Variants in TMEM232 observed in about 807,000 individuals in gnomAD.
The protein encoded by TMEM232 is transmembrane protein 232.
In TMEM232, 80 loss-of-function variants were observed where a neutral mutation model predicts 78.8. The observed-to-expected ratio is 1.01, with a 90% CI of 0.85 to 1.22. The LOEUF (loss-of-function observed/expected upper bound fraction) is 1.22. Among genes scored for constraint, TMEM232 ranks in the 50% most tolerant of loss-of-function variants. TMEM232 has a pLI of 0.00. For missense variants in TMEM232, 881 were observed against 742.2 expected (o/e 1.19, Z -2.17); for synonymous variants, 297 against 254.3 (o/e 1.17, Z -1.60).
Position 110,391,669 on chromosome 5 carries a change from T to G in TMEM232, n.391-1029A>C, listed in dbSNP as rs59006303. On this transcript the variant is annotated intron_variant and non_coding_transcript_variant, in intron 3 of 8. Transcript: ENST00000507188. ...GACTAAAGCATATTTAAGAATATTGTACATATCGTATTTTCTTAATAAAAA... is the reference window on the plus strand; with the variant it reads ...GACTAAAGCATATTTAAGAATATTGGACATATCGTATTTTCTTAATAAAAA... 2.1e-3 allele frequency among the ~76,000 whole-genome samples: 325 copies of G among 152,304 alleles called. 6 individuals carry two copies. The highest frequency in any genetic ancestry group is 7.5e-3 in the African/African-American group (311 of 41,566).
At chr5:110,530,890 G>T (rs994734228) in intron 11 of TMEM232, among the ~76,000 whole-genome samples, 12 of 152,056 alleles carry the variant, frequency 7.9e-5, no homozygotes, top group Admixed American at 5.9e-4. Flanking sequence ...ACTATATGAG[G>T]TTATTTGTTA....
intron 11 of TMEM232, among the ~76,000 whole-genome samples, chr5:110,540,289 T>C (rs1244707959): frequency 6.6e-6 from 1 of 152,186 alleles, no homozygotes; most frequent in African/African-American, 2.4e-5. Flanking sequence ...TCCCAGCCAC[T>C]GGTATTTTAG....
At chr5:110,525,738 G>T (rs1770487052) in intron 12 of TMEM232, among the ~76,000 whole-genome samples, 1 of 151,288 alleles carries the variant, frequency 6.6e-6, no homozygotes, top group Admixed American at 6.6e-5. Context: ...ACATTGAAAA[G>T]CACTGGCAAT....
In TMEM232 at chr5:110,601,845, C is replaced by T. The variant is rs186031572; in HGVS notation, c.1276+3264G>A. ...AAGAGTTTGTATAGCCAAGAAAATC[C>T]TAAGCAAAGAGAACAAAGCTGGAGG... On this transcript the variant is annotated intron_variant, in intron 10 of 13. Coordinates refer to ENST00000455884, the MANE Select transcript of TMEM232 (RefSeq NM_001039763.4). 6.9e-3 allele frequency among the ~76,000 whole-genome samples: 1,056 copies of T among 152,240 alleles called. 14 individuals are homozygous for T. The highest frequency in any genetic ancestry group is 0.024 in the African/African-American group (1,005 of 41,546).
At chr5:110,429,448 C>T (rs1367796027) in intron 12 of TMEM232, among the ~76,000 whole-genome samples, 2 of 151,698 alleles carry the variant, frequency 1.3e-5, no homozygotes, top group Non-Finnish European at 2.9e-5. Context: ...CAAAGCTCTC[C>T]TGAAGACATA....
At chr5:110,473,521 G>C (rs186083955) in intron 12 of TMEM232, among the ~76,000 whole-genome samples, 1 of 151,044 alleles carries the variant, frequency 6.6e-6, no homozygotes, top group East Asian at 1.9e-4. Context: ...ATATTATGGA[G>C]GTTTCTAAAA....
intron 1 of TMEM232, among the ~76,000 whole-genome samples, chr5:110,675,963 C>T (rs1442108835): frequency 6.6e-6 from 1 of 152,200 alleles, no homozygotes; most frequent in Non-Finnish European, 1.5e-5. Flanking sequence ...TCATCCTACT[C>T]TCTGCTTCTA....
intron 7 of TMEM232, among the ~76,000 whole-genome samples, chr5:110,620,577 A>ATCTC (rs66736608): frequency 1.0e-3 from 45 of 43,116 alleles, no homozygotes; most frequent in African/African-American, 2.5e-3. Context: ...TGTCTCTCAT[A>ATCTC]TCTCTCTCTC....
chr5:110,419,286 G>A (rs1021880431), downstream of TMEM232, among the ~76,000 whole-genome samples: 28 of 151,908 alleles, frequency 1.8e-4, no homozygotes, highest in African/African-American at 5.8e-4. Flanking sequence ...ACAAGCATAA[G>A]ATAAAAGGTT....
At chr5:110,590,432 A>C (rs568019189) in intron 10 of TMEM232, among the ~76,000 whole-genome samples, 1 of 152,268 alleles carries the variant, frequency 6.6e-6, no homozygotes, top group African/African-American at 2.4e-5. Context: ...GTGGTATTAC[A>C]TTCTCATAGG....
intron 10 of TMEM232, among the ~76,000 whole-genome samples, chr5:110,602,356 G>A (rs1466018255): frequency 6.6e-6 from 1 of 151,992 alleles, no homozygotes; most frequent in African/African-American, 2.4e-5. Context: ...AGAGTGAACA[G>A]GCAACCTACA....
chr5:110,644,069 G>C (rs1036265828), intron 2 of TMEM232, among the ~76,000 whole-genome samples: 2 of 151,952 alleles, frequency 1.3e-5, no homozygotes, highest in African/African-American at 4.8e-5. Flanking sequence ...AGCCTTAGTG[G>C]AGCTTGCAGT....
At chr5:110,636,788 T>A (rs1454920558) in intron 5 of TMEM232, among the ~76,000 whole-genome samples, 1 of 152,082 alleles carries the variant, frequency 6.6e-6, no homozygotes, top group Admixed American at 6.6e-5. Flanking sequence ...GTGTCTAATA[T>A]ATTTAAAGCA....
At chr5:110,682,393 A>AC (rs1282120019) in intron 1 of TMEM232, among the ~76,000 whole-genome samples, 1 of 152,114 alleles carries the variant, frequency 6.6e-6, no homozygotes, top group African/African-American at 2.4e-5. Flanking sequence ...GTTAAAAAAA[A>AC]AACAACAATT....
At chr5:110,602,311 T>C (rs549046498) in intron 10 of TMEM232, among the ~76,000 whole-genome samples, 2 of 151,964 alleles carry the variant, frequency 1.3e-5, no homozygotes, top group Non-Finnish European at 2.9e-5. Context: ...CTAATTAAAC[T>C]AAAGAGCTTC....
At chr5:110,634,919 A>T (rs1461110808) in intron 5 of TMEM232, among the ~76,000 whole-genome samples, 3 of 151,940 alleles carry the variant, frequency 2.0e-5, no homozygotes, top group Non-Finnish European at 4.4e-5. Context: ...GTTTTTTTAA[A>T]GATAAAATTG....
At chr5:110,564,090 T>C (rs1336888759) in intron 11 of TMEM232, among the ~76,000 whole-genome samples, 2 of 151,994 alleles carry the variant, frequency 1.3e-5, no homozygotes, top group African/African-American at 2.4e-5. Flanking sequence ...ACTGGGCAGA[T>C]TAAATTTATT....
At chr5:110,587,685 ATATATATGTG>A (rs1256984238) in intron 10 of TMEM232, among the ~76,000 whole-genome samples, 158 of 90,600 alleles carry the variant, frequency 1.7e-3, no homozygotes, top group African/African-American at 7.5e-3. Context: ...ATATATATAT[ATATATATGTG>A]TGTGTGTGTG....
At chr5:110,728,233 T>A (rs182136869), upstream of TMEM232, among the ~76,000 whole-genome samples, 316 of 151,672 alleles carry the variant, frequency 2.1e-3, 1 homozygote, top group African/African-American at 7.2e-3. Context: ...ATATATATAT[T>A]ACACATATCT....
Sources: gnomAD v4.1 joint callset for allele counts (sites outside exome capture counted in the v4.1 genomes callset) on GRCh38, gnomAD v4.1.1 for gene constraint, MANE v1.5 for transcripts, NCBI Gene and HGNC (gene_info 2026-07-23, HGNC 2026-07-21) for gene names.